Variants in LRP1B observed in about 807,000 individuals in gnomAD.
LRP1B encodes low-density lipoprotein receptor-related protein 1B.
In LRP1B, 217 loss-of-function variants were observed where a neutral mutation model predicts 556.6. The observed-to-expected ratio is 0.39, with a 90% CI of 0.35 to 0.44. LRP1B has a LOEUF of 0.44. Ranked by LOEUF, LRP1B falls within the 20% of genes least tolerant of loss-of-function variation. The pLI, the probability that LRP1B is intolerant of heterozygous loss-of-function variation, is 1.00. For synonymous variants in LRP1B, 2,047 were observed against 1,865.8 expected (o/e 1.10, Z -2.50); for missense variants, 5,053 against 5,620.8 (o/e 0.90, Z 3.23).
At chr2:141,347,676 A>T (rs1006953606) in intron 3 of LRP1B, among the ~76,000 whole-genome samples, 2 of 152,010 alleles carry the variant, frequency 1.3e-5, no homozygotes, top group African/African-American at 4.8e-5. Flanking sequence ...CTTTTCAGAC[A>T]GATCAAAAAA....
chr2:141,799,144 G>A (rs961075161), intron 2 of LRP1B, among the ~76,000 whole-genome samples: 4 of 152,050 alleles, frequency 2.6e-5, no homozygotes, highest in Admixed American at 1.3e-4. Flanking sequence ...CCGCGCAGAC[G>A]AATACGCTAT....
At chr2:141,749,460 G>T (rs1356745042) in intron 2 of LRP1B, among the ~76,000 whole-genome samples, 1 of 152,112 alleles carries the variant, frequency 6.6e-6, no homozygotes, top group African/African-American at 2.4e-5. Flanking sequence ...GGCACTATTG[G>T]TGATTATTTA....
chr2:141,379,271 C>T (rs558953270), intron 3 of LRP1B, among the ~76,000 whole-genome samples: 1 of 152,224 alleles, frequency 6.6e-6, no homozygotes, highest in African/African-American at 2.4e-5. Context: ...GGCAAAACTA[C>T]CCCACAAGAA....
At chr2:140,874,741 G>A (rs1188547122) in intron 25 of LRP1B, among the ~76,000 whole-genome samples, 1 of 151,874 alleles carries the variant, frequency 6.6e-6, no homozygotes, top group Non-Finnish European at 1.5e-5. Flanking sequence ...ACACCAGGCT[G>A]GGCGTGGTGG....
At chr2:140,274,646 TTTTTC>T (rs1558763700) in intron 84 of LRP1B, 48 bp from the exon 85 acceptor site, 2 of 1,513,476 alleles carry the variant, frequency 1.3e-6, no homozygotes, top group East Asian at 4.7e-5. Flanking sequence ...TTACAGGACA[TTTTTC>T]TTCAGTCATA....
chr2:140,760,085 A>T (rs561788266), intron 35 of LRP1B, among the ~76,000 whole-genome samples: 1 of 152,290 alleles, frequency 6.6e-6, no homozygotes, highest in South Asian at 2.1e-4. Flanking sequence ...GGTAGCCAGA[A>T]GCAAATGTGG....
At chr2:140,521,794 C>T (rs759095737) in intron 49 of LRP1B, among the ~76,000 whole-genome samples, 8 of 152,048 alleles carry the variant, frequency 5.3e-5, no homozygotes, top group Non-Finnish European at 1.2e-4. Flanking sequence ...GACATAATGA[C>T]ACCCATAGGC....
chr2:141,411,482 C>T lies in LRP1B; in HGVS notation c.343+68914G>A, dbSNP rs1230812622. On this transcript the variant is annotated intron_variant, in intron 3 of 90. Coordinates refer to ENST00000389484, the MANE Select transcript of LRP1B (RefSeq NM_018557.3). The stretch of plus-strand genomic sequence containing the variant: ...ATTCATCCCTCTGAAACAGGTATGA[C>T]ATTGCATCATAATATATGAGAATTA... 2.0e-5 allele frequency among the ~76,000 whole-genome samples: 3 copies of T among 152,118 alleles called. No homozygotes were observed. In the East Asian group the frequency reaches 5.8e-4, roughly 29 times the overall value.
intron 11 of LRP1B, among the ~76,000 whole-genome samples, chr2:141,031,298 TAA>T (rs1698364954): frequency 6.8e-6 from 1 of 147,068 alleles, no homozygotes; most frequent in African/African-American, 2.5e-5. Context: ...CATATATATA[TAA>T]AGAGAGAGAG....
intron 1 of LRP1B, among the ~76,000 whole-genome samples, chr2:141,966,758 A>T (rs1701577477): frequency 6.6e-6 from 1 of 151,820 alleles, no homozygotes; most frequent in African/African-American, 2.4e-5. Flanking sequence ...TACTTCTGTC[A>T]TACTGTCAGA....
chr2:140,679,280 T>C (rs1443953743), intron 41 of LRP1B, among the ~76,000 whole-genome samples: 1 of 152,230 alleles, frequency 6.6e-6, no homozygotes, highest in African/African-American at 2.4e-5. Context: ...GCGGAGGTAC[T>C]GAGAACTAGA....
intron 12 of LRP1B, among the ~76,000 whole-genome samples, chr2:141,016,900 T>C (rs1697916021): frequency 6.6e-6 from 1 of 152,086 alleles, no homozygotes; most frequent in Non-Finnish European, 1.5e-5. Flanking sequence ...TCTAAGTGCA[T>C]TTGGAAAAAG....
intron 7 of LRP1B, among the ~76,000 whole-genome samples, chr2:141,143,941 T>C (rs1410417417): frequency 6.6e-6 from 1 of 152,136 alleles, no homozygotes; most frequent in African/African-American, 2.4e-5. Context: ...CCAGGTCTTT[T>C]GCCTTCTCTT....
chr2:141,438,683 G>A (rs1680854127), intron 3 of LRP1B, among the ~76,000 whole-genome samples: 1 of 152,116 alleles, frequency 6.6e-6, no homozygotes, highest in Admixed American at 6.6e-5. Context: ...GATTTATTCT[G>A]GGATGAGAAC....
At chr2:141,724,900 A>G (rs1298563753) in intron 2 of LRP1B, among the ~76,000 whole-genome samples, 1 of 151,994 alleles carries the variant, frequency 6.6e-6, no homozygotes, top group Admixed American at 6.6e-5. Context: ...GTTACATTAA[A>G]ATCTAAAACT....
At position 141,416,660 on chromosome 2, in the gene LRP1B, G is replaced by T. The variant is rs148166946; in HGVS notation, c.343+63736C>A. 2.6e-5 allele frequency among the ~76,000 whole-genome samples: 4 copies of T among 151,966 alleles called. No homozygotes were observed. The East Asian group carries it at 7.8e-4, about 29-fold the overall frequency. On this transcript the variant is annotated intron_variant, in intron 3 of 90. Coordinates refer to ENST00000389484, the MANE Select transcript of LRP1B (RefSeq NM_018557.3). The stretch of plus-strand genomic sequence containing the variant: ...TAGAGAGATGGGTTTTCACCATGTT[G>T]GCCAGGCTGGTCTTGAACTCCTGAC...
intron 84 of LRP1B, among the ~76,000 whole-genome samples, chr2:140,281,251 A>G (rs534154511): frequency 6.0e-4 from 92 of 152,108 alleles, no homozygotes; most frequent in African/African-American, 2.2e-3. Flanking sequence ...ACAAATATTT[A>G]TGGAAAGCCA....
chr2:140,648,279 G>A (rs573797573), intron 41 of LRP1B, among the ~76,000 whole-genome samples: 2 of 152,130 alleles, frequency 1.3e-5, no homozygotes, highest in South Asian at 4.2e-4. Context: ...TCACACACCG[G>A]GGCATGTGGT....
At chr2:140,237,185 A>G (rs866922458) in intron 89 of LRP1B, among the ~76,000 whole-genome samples, 3 of 150,434 alleles carry the variant, frequency 2.0e-5, no homozygotes, top group Admixed American at 6.7e-5. Flanking sequence ...TCCCCTCTCC[A>G]CCCTCTAGTA....
Sources: gnomAD v4.1 joint callset for allele counts (sites outside exome capture counted in the v4.1 genomes callset) on GRCh38, gnomAD v4.1.1 for gene constraint, MANE v1.5 for transcripts, NCBI Gene and HGNC (gene_info 2026-07-23, HGNC 2026-07-21) for gene names.